Variants in PIWIL1 observed in about 807,000 individuals in gnomAD.
PIWIL1 encodes the protein piwi like RNA-mediated gene silencing 1, also known as piwi-like protein 1.
In PIWIL1, 73 loss-of-function variants were observed where a neutral mutation model predicts 114.4. That is an observed-to-expected ratio of 0.64 (90% CI 0.53 to 0.78). The LOEUF is 0.78. Among genes scored for constraint, PIWIL1 ranks in the 30% least tolerant of loss-of-function variants. The probability of loss-of-function intolerance (pLI) is 0.00; values close to 1 mark genes in which losing one functional copy is unlikely to be tolerated. For missense variants in PIWIL1, 723 were observed against 1,063.1 expected (o/e 0.68, Z 4.45); for synonymous variants, 375 against 369.0 (o/e 1.02, Z -0.19).
At chr12:130,351,546 C>T (rs921791195) in intron 9 of PIWIL1, 1 of 152,120 alleles carries the variant, frequency 6.6e-6, no homozygotes, top group African/African-American at 2.4e-5. Flanking sequence ...TCAACACGGC[C>T]CCTACTCGGT....
chr12:130,345,927 G>C, intron 4 of PIWIL1, 49 bp downstream of exon 4: 5 of 1,595,240 alleles, frequency 3.1e-6, no homozygotes, highest in Non-Finnish European at 4.3e-6. Flanking sequence ...CAGGAACACA[G>C]GACAGTGAAT....
At position 130,345,895 on chromosome 12, in the gene PIWIL1, T is replaced by C. The variant is rs768561500; in HGVS notation, c.316+17T>C. ...CAAAAACAGGTAGGTTAATTAAGAATAAGTTTTGTGAGATTACATCTCAGG... is the reference window on the plus strand; with the variant it reads ...CAAAAACAGGTAGGTTAATTAAGAACAAGTTTTGTGAGATTACATCTCAGG... On this transcript the variant is annotated intron_variant, in intron 4 of 20. Coordinates refer to ENST00000245255, the MANE Select transcript of PIWIL1 (RefSeq NM_004764.5). 6 of 1,612,346 alleles carry C rather than the reference T, an allele frequency of 3.7e-6. No individual in the cohort carries two copies. The highest frequency in any genetic ancestry group is 5.1e-6 in the Non-Finnish European group (6 of 1,179,178).
At chr12:130,387,941 C>T in the PIWIL1 span, among the ~76,000 whole-genome samples, 26 of 152,110 alleles carry the variant, frequency 1.7e-4, no homozygotes, top group African/African-American at 6.0e-4. Context: ...TTGCTCTAAC[C>T]CAAAGTCAGA....
At chr12:130,388,989 T>G in the PIWIL1 span, among the ~76,000 whole-genome samples, 1 of 152,138 alleles carries the variant, frequency 6.6e-6, no homozygotes, top group Non-Finnish European at 1.5e-5. Flanking sequence ...GGTTAACAAT[T>G]TATTCATAGC....
the PIWIL1 span, chr12:130,407,867 G>T: frequency 6.4e-7 from 1 of 1,574,496 alleles, no homozygotes; most frequent in Non-Finnish European, 8.7e-7. Flanking sequence ...TCCATCATGA[G>T]GTTATTTCAA....
chr12:130,348,033 C>G, intron 6 of PIWIL1, 70 bp from the exon 7 acceptor site: 1 of 1,051,128 alleles, frequency 9.5e-7, no homozygotes, highest in South Asian at 1.5e-5. Context: ...CTGCTCTAAA[C>G]GACATGCTGT....
At chr12:130,392,795 G>A in the PIWIL1 span, among the ~76,000 whole-genome samples, 4,514 of 15,452 alleles carry the variant, frequency 0.29, 270 homozygotes, top group African/African-American at 0.38. Context: ...CCGTCATCAC[G>A]TGTGTCCGTC....
intron 3 of PIWIL1, among the ~76,000 whole-genome samples, chr12:130,343,621 C>CTTT (rs533583982): frequency 1.5e-3 from 173 of 116,470 alleles, no homozygotes; most frequent in Non-Finnish European, 2.5e-3. Flanking sequence ...TTGAAGGATT[C>CTTT]TTTTTTTTTT....
intron 1 of PIWIL1, among the ~76,000 whole-genome samples, chr12:130,340,504 T>G (rs1032772279): frequency 6.6e-6 from 1 of 151,626 alleles, no homozygotes; most frequent in Non-Finnish European, 1.5e-5. Context: ...CCTAGGAGAA[T>G]CTAATGCCTC....
intron 12 of PIWIL1, among the ~76,000 whole-genome samples, chr12:130,356,074 A>G (rs1409388216): frequency 3.3e-5 from 5 of 151,886 alleles, no homozygotes; most frequent in South Asian, 2.1e-4. Flanking sequence ...AACTTGAGCT[A>G]AAGTGTAGAA....
the PIWIL1 span, among the ~76,000 whole-genome samples, chr12:130,382,973 A>G: frequency 6.6e-6 from 1 of 152,238 alleles, no homozygotes. Flanking sequence ...AGTGCATTTT[A>G]GGAACTTTGT....
chr12:130,349,034 T>G (rs2073145643), intron 7 of PIWIL1, among the ~76,000 whole-genome samples: 1 of 152,250 alleles, frequency 6.6e-6, no homozygotes, highest in African/African-American at 2.4e-5. Flanking sequence ...GTTAGTACAT[T>G]CATTTAAAAT....
the PIWIL1 span, chr12:130,414,031 T>C: frequency 7.4e-7 from 1 of 1,344,574 alleles, no homozygotes; most frequent in Admixed American, 1.8e-5. Context: ...GAGAAGGCCA[T>C]CTCTAAGTCG....
the PIWIL1 span, among the ~76,000 whole-genome samples, chr12:130,405,456 A>G: frequency 6.6e-6 from 1 of 151,922 alleles, no homozygotes; most frequent in Non-Finnish European, 1.5e-5. Context: ...CAAGGTGGGG[A>G]CCCCCACTGG....
chr12:130,391,610 T>G, the PIWIL1 span, among the ~76,000 whole-genome samples: 1 of 152,086 alleles, frequency 6.6e-6, no homozygotes, highest in Non-Finnish European at 1.5e-5. Flanking sequence ...CTAAATGGAA[T>G]AGGGATTGTG....
chr12:130,422,308 G>T, the PIWIL1 span: 1 of 558,324 alleles, frequency 1.8e-6, no homozygotes, highest in East Asian at 2.8e-5. The surrounding 1 kb of genome is among the most constrained non-coding windows in gnomAD (Gnocchi z 5.2). Flanking sequence ...ATCTTGTGCT[G>T]TTCCTGCCTT....
chr12:130,412,774 T>G, the PIWIL1 span: 1 of 1,613,350 alleles, frequency 6.2e-7, no homozygotes, highest in Non-Finnish European at 8.5e-7. Flanking sequence ...ATCAGCGTCT[T>G]TATCACCATA....
the PIWIL1 span, among the ~76,000 whole-genome samples, chr12:130,384,404 A>C: frequency 6.6e-6 from 1 of 152,228 alleles, no homozygotes; most frequent in African/African-American, 2.4e-5. Flanking sequence ...GTCTGTTGCC[A>C]GTGAGTTGAG....
chr12:130,358,752 T>A (rs2073432879), intron 14 of PIWIL1, among the ~76,000 whole-genome samples: 1 of 152,248 alleles, frequency 6.6e-6, no homozygotes, highest in South Asian at 2.1e-4. Context: ...TCCAGCTTTC[T>A]ATAAATTGTT....
Sources: allele counts gnomAD v4.1 joint callset (sites outside exome capture counted in the v4.1 genomes callset), GRCh38; gene constraint gnomAD v4.1.1; non-coding constraint Gnocchi (gnomAD v3.1); transcripts MANE v1.5; gene names NCBI Gene and HGNC (gene_info 2026-07-23, HGNC 2026-07-21).